WDFY4: variants seen among roughly 807,000 people sequenced by gnomAD.
WDFY4 encodes the protein WD repeat- and FYVE domain-containing protein 4.
A neutral mutation model predicts 351.9 loss-of-function variants in WDFY4; 169 were observed. The observed-to-expected ratio is 0.48, with a 90% confidence interval of 0.42 to 0.55. The LOEUF (loss-of-function observed/expected upper bound fraction) is 0.55, where lower values mean the gene tolerates loss of function less well. Among genes scored for constraint, WDFY4 ranks in the 20% least tolerant of loss-of-function variants. WDFY4 has a pLI of 0.00. For synonymous variants in WDFY4, 1,622 were observed against 1,574.6 expected (o/e 1.03, Z -0.71); for missense variants, 3,803 against 3,935.6 (o/e 0.97, Z 0.90).
intron 43 of WDFY4, among the ~76,000 whole-genome samples, chr10:48,888,400 A>G (rs1432457449): frequency 6.7e-6 from 1 of 149,252 alleles, no homozygotes; most frequent in Non-Finnish European, 1.5e-5. Flanking sequence ...TCAATTCTCC[A>G]TCTTCTTGTT....
chr10:48,767,641 C>T (rs1010306235), intron 13 of WDFY4, among the ~76,000 whole-genome samples: 1 of 152,064 alleles, frequency 6.6e-6, no homozygotes, highest in African/African-American at 2.4e-5. Context: ...GAGAAGGGTC[C>T]CTGTCAGCTT....
At chr10:48,697,880 G>T (rs939093055) in intron 1 of WDFY4, among the ~76,000 whole-genome samples, 1 of 152,050 alleles carries the variant, frequency 6.6e-6, no homozygotes, top group Non-Finnish European at 1.5e-5. Flanking sequence ...CTTGTCCCAC[G>T]GCCCCCATGT....
chr10:48,792,456 G>A (rs1760338100), intron 23 of WDFY4, among the ~76,000 whole-genome samples: 1 of 152,182 alleles, frequency 6.6e-6, no homozygotes, highest in Non-Finnish European at 1.5e-5. Flanking sequence ...CTCAGTACAT[G>A]TTTTGGGAAT....
At chr10:48,962,252 C>G (rs1006977780) in intron 53 of WDFY4, among the ~76,000 whole-genome samples, 1 of 152,192 alleles carries the variant, frequency 6.6e-6, no homozygotes, top group African/African-American at 2.4e-5. Flanking sequence ...CCTTTCATTA[C>G]CCCTCGTATG....
At chr10:48,975,113 G>T in intron 58 of WDFY4, 72 bp downstream of exon 58, 1 of 1,545,752 alleles carries the variant, frequency 6.5e-7, no homozygotes, top group Non-Finnish European at 8.8e-7. Context: ...TCAGGAGAAA[G>T]CCCAGAGACA....
intron 11 of WDFY4, among the ~76,000 whole-genome samples, chr10:48,738,256 G>T (rs564471762): frequency 1.1e-4 from 17 of 152,336 alleles, no homozygotes; most frequent in Non-Finnish European, 1.5e-4. Context: ...CTCATAGAAA[G>T]TTCCTTTTGT....
At chr10:48,957,982 C>A (rs1841682051) in intron 52 of WDFY4, among the ~76,000 whole-genome samples, 2 of 152,194 alleles carry the variant, frequency 1.3e-5, no homozygotes, top group African/African-American at 4.8e-5. Flanking sequence ...ACCGGCCTGG[C>A]TGGGAATCAT....
chr10:48,956,372 C>T (rs1009025307), intron 51 of WDFY4, among the ~76,000 whole-genome samples: 5 of 152,174 alleles, frequency 3.3e-5, no homozygotes, highest in African/African-American at 1.2e-4. Flanking sequence ...ACCCTCAGAC[C>T]CATTCTCTCT....
chr10:48,852,772 G>A (rs978595052), intron 39 of WDFY4, among the ~76,000 whole-genome samples: 4 of 152,118 alleles, frequency 2.6e-5, no homozygotes, highest in East Asian at 1.9e-4. Flanking sequence ...CAACTCAGCC[G>A]CTTCATGGGC....
At chr10:48,808,343 G>T (rs1378941467) in intron 28 of WDFY4, among the ~76,000 whole-genome samples, 1 of 152,150 alleles carries the variant, frequency 6.6e-6, no homozygotes, top group Non-Finnish European at 1.5e-5. Context: ...GAAAAGTCTT[G>T]CCAAATTCTT....
intron 39 of WDFY4, among the ~76,000 whole-genome samples, chr10:48,848,371 G>A (rs758331418): frequency 2.0e-5 from 3 of 152,216 alleles, no homozygotes; most frequent in Non-Finnish European, 4.4e-5. Flanking sequence ...GCCTTCTGAG[G>A]AGGACACATA....
intron 39 of WDFY4, among the ~76,000 whole-genome samples, chr10:48,841,812 CAG>C (rs949682523): frequency 2.6e-5 from 4 of 152,194 alleles, no homozygotes; most frequent in African/African-American, 9.7e-5. Flanking sequence ...TGAAACATCA[CAG>C]AGTCACTGCA....
At chr10:48,881,085 T>C (rs553398234) in intron 43 of WDFY4, among the ~76,000 whole-genome samples, 110 of 152,352 alleles carry the variant, frequency 7.2e-4, no homozygotes, top group African/African-American at 2.6e-3. Context: ...GTGGCAAAGA[T>C]TGACATGGGG....
chr10:48,743,946 G>A (rs1261563517), intron 12 of WDFY4, among the ~76,000 whole-genome samples: 1 of 152,118 alleles, frequency 6.6e-6, no homozygotes, highest in Non-Finnish European at 1.5e-5. Context: ...GCCAGGGGTG[G>A]GGTGAGATCC....
intron 20 of WDFY4, 118 bp downstream of exon 20, chr10:48,786,988 G>A: frequency 1.3e-6 from 1 of 799,718 alleles, no homozygotes; most frequent in Non-Finnish European, 2.0e-6. Context: ...CATTAGGGAA[G>A]ACCTCTGTAA....
intron 43 of WDFY4, among the ~76,000 whole-genome samples, chr10:48,887,337 A>G (rs987733326): frequency 2.0e-5 from 3 of 152,204 alleles, no homozygotes; most frequent in African/African-American, 7.2e-5. Context: ...AAGGTACAAT[A>G]AGAGAAAAAG....
intron 51 of WDFY4, among the ~76,000 whole-genome samples, chr10:48,951,694 T>C (rs1306356299): frequency 6.6e-6 from 1 of 152,200 alleles, no homozygotes; most frequent in East Asian, 1.9e-4. Flanking sequence ...AATGTTATAG[T>C]TCTTAGGAGT....
chr10:48,731,411 C>T lies in WDFY4; in HGVS notation c.1431C>T (p.Ser477=). The T allele has an allele frequency of 6.4e-7, 1 of 1,551,684 alleles. No individual in the cohort carries two copies. The highest frequency in any genetic ancestry group is 8.7e-7 in the Non-Finnish European group (1 of 1,147,004). Residue 477 remains serine, a synonymous_variant, in exon 9 of 62, where the codon AGC becomes AGT. Transcript: ENST00000325239. The stretch of plus-strand genomic sequence containing the variant: ...AGGTACAGCATCTGATCAAGGAGAG[C>T]CCTGGGCCATCCTGCACCCTCATGG... ...LRKVQHLIKE[S]PGPSCTLMAL... is the part of the protein sequence containing the mutation.
In WDFY4 at chr10:48,729,546, T is replaced by C; in HGVS notation, c.1086T>C (p.Thr362=). The part of the protein sequence containing the change: ...RSELKVFDSI[T]YPQLEGFKFH... ...AGCTGAAGGTGTTTGACAGCATCAC[T>C]TACCCTCAGCTTGAAGGCTTCAAGT... The change falls in exon 8 of 62, where the codon ACT becomes ACC. Residue 362 remains threonine (T), a synonymous_variant. Transcript: ENST00000325239. The C allele has an allele frequency of 1.3e-6, 2 of 1,551,720 alleles. No homozygotes were observed. Among genetic ancestry groups the C allele is most frequent in the South Asian group, 1.2e-5 (1 of 84,056 alleles).
Sources: gnomAD v4.1 joint callset for allele counts (sites outside exome capture counted in the v4.1 genomes callset) on GRCh38, gnomAD v4.1.1 for gene constraint, MANE v1.5 for transcripts, NCBI Gene and HGNC (gene_info 2026-07-23, HGNC 2026-07-21) for gene names.